The following VPS13B variants were observed in gnomAD, a reference collection of about 807,000 sequenced individuals.
The protein encoded by VPS13B is vacuolar protein sorting 13 homolog B, also known as intermembrane lipid transfer protein VPS13B.
Under a neutral mutation model 426.4 loss-of-function variants are expected in VPS13B, and 285 were observed. The observed-to-expected ratio is 0.67, with a 90% CI of 0.61 to 0.74. VPS13B has a LOEUF of 0.74. VPS13B is among the 30% of genes least tolerant of loss of function. The pLI is 0.00. For missense variants in VPS13B, 4,537 were observed against 4,782.6 expected (o/e 0.95, Z 1.51); for synonymous variants, 1,676 against 1,676.4 (o/e 1.00, Z 0.01).
chr8:99,405,619 G>A (rs1815279968), intron 21 of VPS13B, among the ~76,000 whole-genome samples: 1 of 152,078 alleles, frequency 6.6e-6, no homozygotes, highest in Non-Finnish European at 1.5e-5. Flanking sequence ...CTTAATCGCA[G>A]TAGTTGCTTC....
chr8:99,311,636 T>A (rs1820980833), intron 19 of VPS13B, among the ~76,000 whole-genome samples: 1 of 152,222 alleles, frequency 6.6e-6, no homozygotes, highest in African/African-American at 2.4e-5. Context: ...CTGAGAAGAA[T>A]GTATATTCTG....
chr8:99,751,104 G>T (rs1810372326), intron 39 of VPS13B, among the ~76,000 whole-genome samples: 1 of 152,128 alleles, frequency 6.6e-6, no homozygotes. Context: ...GGTCAACTAA[G>T]ATAACTATTT....
At chr8:99,027,364 A>G (rs1454798961) in intron 2 of VPS13B, among the ~76,000 whole-genome samples, 4 of 140,386 alleles carry the variant, frequency 2.8e-5, no homozygotes, top group African/African-American at 1.1e-4. Flanking sequence ...TTACTTTCCT[A>G]TTGTTTATCT....
At position 99,766,875 on chromosome 8, in the gene VPS13B, G is replaced by A. The variant is rs61753725; in HGVS notation, c.7152G>A (p.Pro2384=). The change falls in exon 40 of 62, where the codon CCG becomes CCA. Residue 2384 remains proline (P), a synonymous_variant. Coordinates refer to ENST00000357162, the MANE Select transcript of VPS13B (RefSeq NM_152564.5). The part of the protein sequence containing the change: ...SESKVCELQL[P]DINLVNDQKK... ...GCAAAGTTTGTGAACTGCAGTTGCC[G>A]GATATCAATCTCGTGAATGACCAGA... is the stretch of plus-strand genomic sequence containing the variant. The A allele has an allele frequency of 5.0e-3, 8,139 of 1,613,950 alleles. 29 individuals are homozygous for A. Among genetic ancestry groups the A allele is most frequent in the Middle Eastern group, 6.6e-3 (40 of 6,056 alleles).
chr8:99,843,500 GC>G (rs1815817420), intron 54 of VPS13B, among the ~76,000 whole-genome samples: 1 of 152,184 alleles, frequency 6.6e-6, no homozygotes, highest in Non-Finnish European at 1.5e-5. Context: ...TGTATGTGAT[GC>G]CCTTTGATCT....
intron 19 of VPS13B, among the ~76,000 whole-genome samples, chr8:99,377,764 C>T (rs1471969952): frequency 6.6e-6 from 1 of 152,048 alleles, no homozygotes; most frequent in African/African-American, 2.4e-5. Context: ...TGTGATGCCC[C>T]CTGAGCTGTA....
At chr8:99,721,150 A>T in intron 39 of VPS13B, 103 bp downstream of exon 39, 1 of 1,194,648 alleles carries the variant, frequency 8.4e-7, no homozygotes, top group Non-Finnish European at 1.2e-6. Flanking sequence ...CATTAATAGT[A>T]TCAGAGAGAA....
chr8:99,059,730 C>CT (rs34620587), intron 3 of VPS13B, among the ~76,000 whole-genome samples: 77,604 of 110,192 alleles, frequency 0.7, 28,458 homozygotes, highest in South Asian at 0.82. Context: ...TTAGCTTCTG[C>CT]TTTTTTTTTT....
chr8:99,851,984 G>A (rs1392181517), intron 55 of VPS13B, among the ~76,000 whole-genome samples: 1 of 152,148 alleles, frequency 6.6e-6, no homozygotes, highest in East Asian at 1.9e-4. Context: ...TAGAGACACT[G>A]ATGGCTTAGA....
At chr8:99,136,848 A>G (rs1332465467) in intron 12 of VPS13B, 96 bp downstream of exon 12, 4 of 1,172,940 alleles carry the variant, frequency 3.4e-6, no homozygotes, top group East Asian at 2.4e-5. Flanking sequence ...GTACTCTGCT[A>G]CATAAGATTT....
chr8:99,478,457 T>C (rs1244210198), intron 24 of VPS13B, among the ~76,000 whole-genome samples: 1 of 129,644 alleles, frequency 7.7e-6, no homozygotes, highest in South Asian at 2.2e-4. Flanking sequence ...GTTTTTTTTT[T>C]TTTTTTTTGT....
chr8:99,562,869 A>G (rs1038856364), intron 31 of VPS13B, among the ~76,000 whole-genome samples: 2 of 152,126 alleles, frequency 1.3e-5, no homozygotes, highest in African/African-American at 4.8e-5. Flanking sequence ...GTGGTCAAAA[A>G]TTAACAGAAT....
intron 35 of VPS13B, among the ~76,000 whole-genome samples, chr8:99,681,357 T>A (rs998437842): frequency 6.6e-6 from 1 of 152,216 alleles, no homozygotes; most frequent in East Asian, 1.9e-4. Flanking sequence ...AGCCACTCTG[T>A]TCACACATTG....
In VPS13B at chr8:99,853,938, A is replaced by G. The variant is rs143187571; in HGVS notation, c.10549A>G (p.Lys3517Glu). 418 of 1,614,086 alleles carry G rather than the reference A, an allele frequency of 2.6e-4. No individual in the cohort carries two copies. The highest frequency in any genetic ancestry group is 3.5e-4 in the Non-Finnish European group (408 of 1,180,052). Residue 3517 changes from lysine to glutamate, a missense_variant, in exon 56 of 62, where the codon AAG becomes GAG. Physicochemically the swap from Lys to Glu is moderately conservative, Grantham distance 56. Around this residue, in one of 2 missense-constraint regions of VPS13B, gnomAD observed 4,311 missense variants for 4,474.3 expected, o/e 0.96. Transcript: ENST00000357162. Reference sequence around the variant, plus strand: ...GGAAGACACATTTGTATACTACATCAAGACTTTGTTTGACACCTACCTTCC... The same window carrying G: ...GGAAGACACATTTGTATACTACATCGAGACTTTGTTTGACACCTACCTTCC... ...YVEDTFVYYIKTLFDTYLPNS... is the reference protein window; with the variant it reads ...YVEDTFVYYIETLFDTYLPNS...
intron 16 of VPS13B, among the ~76,000 whole-genome samples, chr8:99,180,339 A>G (rs879522060): frequency 1.6e-4 from 24 of 152,140 alleles, no homozygotes; most frequent in Non-Finnish European, 1.5e-4. Flanking sequence ...TCATTTATAA[A>G]TATTTATTGG....
chr8:99,838,205 A>C (rs1815495180), intron 54 of VPS13B, among the ~76,000 whole-genome samples: 1 of 152,206 alleles, frequency 6.6e-6, no homozygotes, highest in Non-Finnish European at 1.5e-5. Context: ...TGGTTATTCA[A>C]CCAGAGACCT....
intron 26 of VPS13B, 28 bp downstream of exon 26, chr8:99,501,886 C>T: frequency 5.0e-6 from 8 of 1,606,200 alleles, no homozygotes; most frequent in Non-Finnish European, 6.8e-6. Context: ...TTTCTTCCCT[C>T]CCTCCCTCTG....
In VPS13B at chr8:99,661,386, T is replaced by A. The variant is rs987469070; in HGVS notation, c.5941T>A (p.Tyr1981Asn). 6.2e-7 allele frequency: 1 copy of A among 1,613,674 alleles called. No homozygotes were observed. Among genetic ancestry groups the A allele is most frequent in the African/African-American group, 1.3e-5 (1 of 74,916 alleles). ...PGKTLPEALD[Y>N]CTVWLQTVPG... is the part of the protein sequence containing the mutation. ...GAAGACTCTGCCTGAAGCCCTTGAT[T>A]ATTGCACTGTTTGGCTACAGACAGT... Residue 1981 changes from tyrosine to asparagine, a missense_variant, in exon 35 of 62, where the codon TAT (tyrosine) becomes AAT (asparagine). Physicochemically the swap from Tyr to Asn is moderately radical, Grantham distance 143. This residue lies in a region of VPS13B where 4,311 missense variants were observed against 4,474.3 expected (regional missense o/e 0.96). Transcript: ENST00000357162.
At chr8:99,632,217 C>T (rs1416746461) in intron 33 of VPS13B, among the ~76,000 whole-genome samples, 10 of 151,830 alleles carry the variant, frequency 6.6e-5, no homozygotes, top group Admixed American at 6.6e-4. Context: ...TTAAAATTTA[C>T]TTTTTAATTC....
Sources: gnomAD v4.1 joint callset for allele counts (sites outside exome capture counted in the v4.1 genomes callset) on GRCh38, gnomAD v4.1.1 for gene constraint, gnomAD v4.1.1 regional missense constraint, MANE v1.5 for transcripts, NCBI Gene and HGNC (gene_info 2026-07-23, HGNC 2026-07-21) for gene names.